The following SLC35E1 variants were observed in gnomAD, a reference collection of about 807,000 sequenced individuals.
The protein encoded by SLC35E1 is solute carrier family 35 member E1, also known as solute carrier family 35, member E1.
Under a neutral mutation model 31.0 loss-of-function variants are expected in SLC35E1, and 12 were observed. The ratio of observed to expected loss-of-function variants is 0.39; its 90% confidence interval spans 0.25 to 0.63. SLC35E1 has a LOEUF of 0.63. Among genes scored for constraint, SLC35E1 ranks in the 20% least tolerant of loss-of-function variants. The pLI is 0.52. For synonymous variants in SLC35E1, 257 were observed against 264.1 expected (o/e 0.97, Z 0.26); for missense variants, 429 against 572.2 (o/e 0.75, Z 2.55).
rs1362970749 is a variant in SLC35E1 at position 16,552,249 on chromosome 19, AT to A, written c.*1429del. On this transcript the variant is annotated 3_prime_UTR_variant, in exon 6 of 6. Transcript: ENST00000595753. Reference sequence around the variant, plus strand: ...CATTCTGTTTTCAGCAATTGTGACAATTTTGAAGCTTCTCTCGAAGCTTCGA... The same window carrying A: ...CATTCTGTTTTCAGCAATTGTGACAATTTGAAGCTTCTCTCGAAGCTTCGA... 2.0e-5 allele frequency: 3 copies of A among 152,148 alleles called. No individual in the cohort carries two copies. The East Asian group carries it at 5.8e-4, about 29-fold the overall frequency. 9.4% of individuals were successfully genotyped at this position (152,148 alleles called of 1,614,324 possible). A position where few individuals can be genotyped will look rare whatever the true frequency, so the allele number is the denominator to read the frequency against.
At position 16,572,380 on chromosome 19, in the gene SLC35E1, G is replaced by A. The variant is rs1171752623; in HGVS notation, c.-16C>T. ...CCGCCGCCATCCTGCCCGAGCGGCC[G>A]CCCCTTCCAGCCCGTCCGACGGCCC... is the stretch of plus-strand genomic sequence containing the variant. On this transcript the variant is annotated 5_prime_UTR_variant, in exon 1 of 6. Transcript: ENST00000595753. The surrounding 1 kb of genome is among the most constrained non-coding windows in gnomAD (Gnocchi z 4.1). 1.9e-5 allele frequency: 19 copies of A among 996,602 alleles called. No homozygotes were observed. In the South Asian group the frequency reaches 6.8e-4, roughly 35 times the overall value. The allele number at this position is 996,602 out of a possible 1,614,324, so 61.7% of individuals were successfully genotyped here.
intron 5 of SLC35E1, among the ~76,000 whole-genome samples, chr19:16,554,820 G>GAAAAAAA (rs59402960): frequency 2.5e-4 from 15 of 60,154 alleles, no homozygotes; most frequent in East Asian, 4.2e-4. Flanking sequence ...ACTCCATCTC[G>GAAAAAAA]AAAAAAAAAA....
intron 4 of SLC35E1, among the ~76,000 whole-genome samples, chr19:16,557,318 C>G (rs934632180): frequency 1.3e-5 from 2 of 151,930 alleles, no homozygotes; most frequent in Admixed American, 6.6e-5. Flanking sequence ...CTCAGCCTCC[C>G]GAGTAGCCGG....
chr19:16,571,041 T>C (rs1194095939), intron 2 of SLC35E1, among the ~76,000 whole-genome samples: 2 of 148,342 alleles, frequency 1.3e-5, no homozygotes, highest in Non-Finnish European at 3.0e-5. Flanking sequence ...GAGGTTGCAG[T>C]GAGCTGAGAT....
chr19:16,567,986 C>T (rs2085940277), intron 3 of SLC35E1, 46 bp downstream of exon 3: 11 of 1,495,916 alleles, frequency 7.4e-6, no homozygotes, highest in Non-Finnish European at 9.8e-6. Flanking sequence ...TTGCTGCCCG[C>T]ACACCCCTGA....
At chr19:16,567,203 C>T (rs573110732) in intron 3 of SLC35E1, among the ~76,000 whole-genome samples, 88 of 151,770 alleles carry the variant, frequency 5.8e-4, no homozygotes, top group African/African-American at 1.9e-3. Flanking sequence ...TTTTTTGAGA[C>T]GGGGTCTCAC....
In SLC35E1 at chr19:16,570,895, G is replaced by A. The variant is rs146758744; in HGVS notation, c.492+617C>T. Among the ~76,000 whole-genome samples, 540 of 152,214 alleles carry A rather than the reference G, an allele frequency of 3.5e-3. 4 individuals carry two copies. Among genetic ancestry groups the A allele is most frequent in the African/African-American group, 0.013 (521 of 41,530 alleles). Reference sequence around the variant, plus strand: ...ACGGATCACTTGAGGTCAGGAGTTTGAGACCAGCCTGGCAACATGGTGAAA... The same window carrying A: ...ACGGATCACTTGAGGTCAGGAGTTTAAGACCAGCCTGGCAACATGGTGAAA... On this transcript the variant is annotated intron_variant, in intron 2 of 5. Coordinates refer to ENST00000595753, the MANE Select transcript of SLC35E1 (RefSeq NM_024881.5).
Position 16,552,341 on chromosome 19 carries a change from T to G in SLC35E1, c.*1338A>C, listed in dbSNP as rs2085849786. On this transcript the variant is annotated 3_prime_UTR_variant, in exon 6 of 6. Transcript: ENST00000595753. ...GGCATCACCAGTGGGAACTTGGTTT[T>G]GTTTTGTTTTTTTTTTTGAGATGGA... is the stretch of plus-strand genomic sequence containing the variant. 6.6e-6 allele frequency: 1 copy of G among 151,638 alleles called. No individual in the cohort carries two copies. The highest frequency in any genetic ancestry group is 2.4e-5 in the African/African-American group (1 of 41,326). 9.4% of individuals were successfully genotyped at this position (151,638 alleles called of 1,614,324 possible). A position where few individuals can be genotyped will look rare whatever the true frequency, so the allele number is the denominator to read the frequency against.
At chr19:16,571,908 C>T (rs1463738901) in intron 1 of SLC35E1, 36 bp downstream of exon 1, 2 of 1,525,284 alleles carry the variant, frequency 1.3e-6, no homozygotes, top group Admixed American at 2.2e-5. Context: ...AGCGGCGGGC[C>T]CGGCCGCCGC....
At chr19:16,560,149 G>A (rs2085897268) in intron 4 of SLC35E1, among the ~76,000 whole-genome samples, 1 of 152,156 alleles carries the variant, frequency 6.6e-6, no homozygotes, top group Non-Finnish European at 1.5e-5. Flanking sequence ...TTGGTATGCT[G>A]TTTAAGATCT....
rs1311637952 is a variant in SLC35E1, at chr19:16,566,704, C to CA, written c.631-48dup. The stretch of plus-strand genomic sequence containing the variant: ...AGAGGGTGATTAAAACTATATGTGG[C>CA]AAAAAGGGCTCCAGTGACTCAGGCC... On this transcript the variant is annotated intron_variant, in intron 3 of 5. Coordinates refer to ENST00000595753, the MANE Select transcript of SLC35E1 (RefSeq NM_024881.5). 3.2e-6 allele frequency: 5 copies of CA among 1,575,152 alleles called. No individual in the cohort carries two copies. The East Asian group carries it at 1.1e-4, about 35-fold the overall frequency.
Position 16,555,064 on chromosome 19 carries a change from C to T in SLC35E1, c.1002+88G>A. 1 of 1,564,570 alleles carries T rather than the reference C, an allele frequency of 6.4e-7. No individual in the cohort carries two copies. The highest frequency in any genetic ancestry group is 8.6e-7 in the Non-Finnish European group (1 of 1,157,034). ...CAAAGCTCTGACATACAACCCCAGCCTTGAGCGCCCGGGAGGCCCTTCCTT... is the reference window on the plus strand; with the variant it reads ...CAAAGCTCTGACATACAACCCCAGCTTTGAGCGCCCGGGAGGCCCTTCCTT... On this transcript the variant is annotated intron_variant, in intron 5 of 5. Transcript: ENST00000595753. The surrounding 1 kb of genome is among the most constrained non-coding windows in gnomAD (Gnocchi z 4.1).
In SLC35E1 at chr19:16,571,544, G is replaced by C. The variant is rs1202779639; in HGVS notation, c.460C>G (p.Arg154Gly). The change falls in exon 2 of 6, where the codon CGG becomes GGG. Residue 154 changes from arginine to glycine, a missense_variant. Transcript: ENST00000595753. ...CTCTGCTTCTCCTTCATAATGATCC[G>C]GGACAGGAGGACCACCCAGATGGGC... ...TMPIWVVLLS[R>G]IIMKEKQSTK... The C allele has an allele frequency of 6.2e-7, 1 of 1,613,878 alleles. No homozygotes were observed. Among genetic ancestry groups the C allele is most frequent in the South Asian group, 1.1e-5 (1 of 91,062 alleles).
intron 4 of SLC35E1, among the ~76,000 whole-genome samples, chr19:16,560,265 C>G (rs966682710): frequency 6.6e-6 from 1 of 152,164 alleles, no homozygotes; most frequent in Admixed American, 6.6e-5. Flanking sequence ...TGAGTACTTT[C>G]TAGTTTCCTA....
In SLC35E1 at chr19:16,572,324, C is replaced by A. The variant is rs928533552; in HGVS notation, c.41G>T (p.Gly14Val). ...AAVGAGHGAGGPGAASSSGGA... is the reference protein window; with the variant it reads ...AAVGAGHGAGVPGAASSSGGA... ...ACCACTGCTGCTCGCTGCGCCCGGG[C>A]CCCCCGCGCCGTGGCCCGCGCCCAC... The change falls in exon 1 of 6, where the codon GGC becomes GTC. Residue 14 changes from glycine to valine, a missense_variant. By Grantham distance (109) the Gly-to-Val change is moderately radical (BLOSUM62 -3). Transcript: ENST00000595753. The surrounding 1 kb of genome is among the most constrained non-coding windows in gnomAD (Gnocchi z 4.1). The A allele has an allele frequency of 5.8e-6, 7 of 1,197,232 alleles. No homozygotes were observed. Among genetic ancestry groups the A allele is most frequent in the Non-Finnish European group, 7.3e-6 (7 of 959,976 alleles). The allele number at this position is 1,197,232 out of a possible 1,614,324, so 74.2% of individuals were successfully genotyped here. A position where few individuals can be genotyped will look rare whatever the true frequency, so the allele number is the denominator to read the frequency against.
Position 16,566,587 on chromosome 19 carries a change from A to C in SLC35E1, c.701T>G (p.Met234Arg). The change falls in exon 4 of 6, where the codon ATG becomes AGG. Residue 234 changes from methionine to arginine, a missense_variant. Transcript: ENST00000595753. Reference protein sequence around the residue: ...NILGCHAVFFMIPTWVLVDLS... With the variant: ...NILGCHAVFFRIPTWVLVDLS... ...GTCCACCAGAACCCAGGTGGGGATC[A>C]TAAAGAAGACGGCGTGGCAGCCCAG... 1 of 1,612,776 alleles carries C rather than the reference A, an allele frequency of 6.2e-7. No homozygotes were observed. The highest frequency in any genetic ancestry group is 1.1e-5 in the South Asian group (1 of 91,008).
At chr19:16,565,118 C>T (rs1263549356) in intron 4 of SLC35E1, 3 of 456,710 alleles carry the variant, frequency 6.6e-6, no homozygotes, top group Non-Finnish European at 1.3e-5. Context: ...ATAACACATT[C>T]TCTGAAGGCA....
At chr19:16,561,230 A>AAAAAAG (rs2085904558) in intron 4 of SLC35E1, among the ~76,000 whole-genome samples, 1 of 144,128 alleles carries the variant, frequency 6.9e-6, no homozygotes, top group Non-Finnish European at 1.5e-5. Flanking sequence ...AAAAAAAAAA[A>AAAAAAG]AAAAAAAAAA....
chr19:16,572,118 G>C lies in SLC35E1; in HGVS notation c.247C>G (p.Pro83Ala). 2 of 1,511,882 alleles carry C rather than the reference G, an allele frequency of 1.3e-6. No individual in the cohort carries two copies. The highest frequency in any genetic ancestry group is 1.8e-6 in the Non-Finnish European group (2 of 1,130,884). 93.7% of individuals were successfully genotyped at this position (1,511,882 alleles called of 1,614,324 possible). ...GGGCCCGAGACGGGCGGCGCGGGGGGCACGCGCCAGGCGCGCAGCAGCGGC... is the reference window on the plus strand; with the variant it reads ...GGGCCCGAGACGGGCGGCGCGGGGGCCACGCGCCAGGCGCGCAGCAGCGGC... The part of the protein sequence containing the change: ...LPPLLRAWRV[P>A]PAPPVSGPGP... Residue 83 changes from proline to alanine, a missense_variant, in exon 1 of 6, where the codon CCC becomes GCC. Pro to Ala is a conservative substitution (Grantham distance 27). Transcript: ENST00000595753. The surrounding 1 kb of genome is among the most constrained non-coding windows in gnomAD (Gnocchi z 4.1).
Sources: gnomAD v4.1 joint callset for allele counts (sites outside exome capture counted in the v4.1 genomes callset) on GRCh38, gnomAD v4.1.1 for gene constraint, Gnocchi (gnomAD v3.1) non-coding constraint, MANE v1.5 for transcripts, NCBI Gene and HGNC (gene_info 2026-07-23, HGNC 2026-07-21) for gene names.